NAALADL2: variants seen among roughly 807,000 people sequenced by gnomAD.
NAALADL2 encodes the protein N-acetylated alpha-linked acidic dipeptidase like 2.
In NAALADL2, 76 loss-of-function variants were observed where a neutral mutation model predicts 87.2. That is an observed-to-expected ratio of 0.87 (90% confidence interval 0.72 to 1.05). NAALADL2 has a LOEUF of 1.05. Ranked by LOEUF, NAALADL2 falls within the 50% of genes least tolerant of loss-of-function variation. The pLI, the probability that NAALADL2 is intolerant of heterozygous loss-of-function variation, is 0.00. For missense variants in NAALADL2, 1,089 were observed against 945.8 expected, an observed-to-expected ratio of 1.15 and a Z score of -1.99; for synonymous variants, 354 against 331.0, an observed-to-expected ratio of 1.07 and a Z score of -0.75.
At chr3:175,502,372 A>T (rs914646350) in intron 9 of NAALADL2, among the ~76,000 whole-genome samples, 1 of 152,122 alleles carries the variant, frequency 6.6e-6, no homozygotes, top group African/African-American at 2.4e-5. Flanking sequence ...AAGGCTGAAA[A>T]GAACAAAAAG....
intron 4 of NAALADL2, among the ~76,000 whole-genome samples, chr3:175,273,733 CGT>C (rs35081448): frequency 9.4e-5 from 14 of 148,796 alleles, no homozygotes; most frequent in South Asian, 2.1e-4. Context: ...TGTGTGTGTG[CGT>C]GTGTGTGTGT....
chr3:175,062,515 TG>T (rs1713726414), intron 1 of NAALADL2, among the ~76,000 whole-genome samples: 1 of 151,548 alleles, frequency 6.6e-6, no homozygotes, highest in Non-Finnish European at 1.5e-5. Context: ...TGTGTGTGTG[TG>T]TGTGTGTGTT....
rs113806607 is a variant in NAALADL2 at position 175,343,655 on chromosome 3, G to GTTTTTTTTTTTTT, written c.1090+19339_1090+19351dup. Among the ~76,000 whole-genome samples, 103 of 64,704 alleles carry GTTTTTTTTTTTTT rather than the reference G, an allele frequency of 1.6e-3. 19 individuals carry two copies. Among genetic ancestry groups the GTTTTTTTTTTTTT allele is most frequent in the East Asian group, 0.015 (24 of 1,562 alleles). 42.4% of individuals were successfully genotyped at this position (64,704 alleles called of 152,430 possible). Reference sequence around the variant, plus strand: ...TGGAGTTCCTGTGTGTCTTGATCATGTTTTTTTTTTTTTTTTTTTTTCCCT... The same window carrying GTTTTTTTTTTTTT: ...TGGAGTTCCTGTGTGTCTTGATCATGTTTTTTTTTTTTTTTTTTTTTTTTTTTTTTTTTTCCCT... On this transcript the variant is annotated intron_variant, in intron 5 of 13. Coordinates refer to ENST00000454872, the MANE Select transcript of NAALADL2 (RefSeq NM_207015.3).
Position 175,013,456 on chromosome 3 carries a change from G to C in NAALADL2, c.44-83334G>C, listed in dbSNP as rs573441266. 1.5e-4 allele frequency among the ~76,000 whole-genome samples: 23 copies of C among 149,028 alleles called. No individual in the cohort carries two copies. The East Asian group carries it at 4.6e-3, about 30-fold the overall frequency. ...TGGGATTACAGGCATGCACCACCAC[G>C]CCCAGCTAATTTTTATAGTTTTAGT... On this transcript the variant is annotated intron_variant, in intron 1 of 13. Coordinates refer to ENST00000454872, the MANE Select transcript of NAALADL2 (RefSeq NM_207015.3).
At chr3:174,451,812 GTTAA>G (rs1715498139) in intron 1 of NAALADL2, among the ~76,000 whole-genome samples, 1 of 118,996 alleles carries the variant, frequency 8.4e-6, no homozygotes, top group Non-Finnish European at 1.8e-5. Context: ...ATAAAACATT[GTTAA>G]TTAATGTAGT....
At chr3:175,027,412 G>GA (rs1268590975) in intron 1 of NAALADL2, among the ~76,000 whole-genome samples, 3 of 151,608 alleles carry the variant, frequency 2.0e-5, no homozygotes, top group African/African-American at 4.8e-5. Flanking sequence ...TAACATTATA[G>GA]AAAAAAACAA....
At chr3:175,597,672 T>C (rs1365438684) in intron 10 of NAALADL2, among the ~76,000 whole-genome samples, 2 of 151,968 alleles carry the variant, frequency 1.3e-5, no homozygotes, top group Non-Finnish European at 2.9e-5. Flanking sequence ...TAACATCACT[T>C]GCCTCTGCCT....
chr3:175,304,830 TA>T (rs1223537511), intron 4 of NAALADL2, among the ~76,000 whole-genome samples: 3 of 152,232 alleles, frequency 2.0e-5, no homozygotes, highest in Admixed American at 2.0e-4. Flanking sequence ...TTTGAAATTT[TA>T]TGCTTTTCTC....
intron 10 of NAALADL2, among the ~76,000 whole-genome samples, chr3:175,621,230 A>G (rs1726194275): frequency 6.6e-6 from 1 of 152,140 alleles, no homozygotes; most frequent in Admixed American, 6.5e-5. Flanking sequence ...CTCCTGCGCT[A>G]TCATACACAT....
In NAALADL2 at chr3:175,763,369, A is replaced by G. The variant is rs148855948; in HGVS notation, c.2189+7951A>G. On this transcript the variant is annotated intron_variant, in intron 13 of 13. Transcript: ENST00000454872. ...CTTTTAAAAAAATGCTTCTTCCTAG[A>G]TTCTTTTAGCAAATTTCAGCAAGAT... 3.3e-5 allele frequency among the ~76,000 whole-genome samples: 5 copies of G among 152,254 alleles called. No homozygotes were observed. The East Asian group carries it at 9.7e-4, about 29-fold the overall frequency.
intron 9 of NAALADL2, among the ~76,000 whole-genome samples, chr3:175,505,483 T>C (rs2149380390): frequency 6.6e-6 from 1 of 152,146 alleles, no homozygotes; most frequent in South Asian, 2.1e-4. Context: ...TAGCAAAAGA[T>C]AAAAAGAATA....
chr3:174,793,853 C>T lies in NAALADL2; in HGVS notation c.-9+56107C>T, dbSNP rs560500329. ...ATCTCATCACATAAGACACTAACTG[C>T]ATGCTTTTATATCTGTTTAAAAGTG... On this transcript the variant is annotated intron_variant, in intron 3 of 3. Coordinates refer to the NAALADL2 transcript ENST00000434257. 6.6e-5 allele frequency among the ~76,000 whole-genome samples: 10 copies of T among 151,586 alleles called. No individual in the cohort carries two copies. In the South Asian group the frequency reaches 1.3e-3, roughly 19 times the overall value.
intron 2 of NAALADL2, among the ~76,000 whole-genome samples, chr3:175,146,081 T>A (rs543233261): frequency 6.6e-6 from 1 of 152,254 alleles, no homozygotes; most frequent in South Asian, 2.1e-4. Flanking sequence ...ATAAGTAAGA[T>A]TCGTGATTCT....
chr3:174,620,603 C>G (rs1262451418), intron 2 of NAALADL2, among the ~76,000 whole-genome samples: 1 of 151,934 alleles, frequency 6.6e-6, no homozygotes, highest in Non-Finnish European at 1.5e-5. Context: ...ATTTAGGACT[C>G]TCTGGCCCAA....
chr3:174,756,069 A>C (rs1355433919), intron 3 of NAALADL2, among the ~76,000 whole-genome samples: 2 of 152,248 alleles, frequency 1.3e-5, no homozygotes, highest in Non-Finnish European at 2.9e-5. Flanking sequence ...GGGAGACTGA[A>C]GTAGCCATGC....
intron 3 of NAALADL2, among the ~76,000 whole-genome samples, chr3:174,765,129 C>CAT (rs1713614257): frequency 8.3e-6 from 1 of 120,554 alleles, no homozygotes; most frequent in Non-Finnish European, 1.9e-5. Flanking sequence ...CACATACACA[C>CAT]ACACACACAC....
chr3:174,529,472 GC>G, intron 1 of NAALADL2, among the ~76,000 whole-genome samples: 1 of 152,312 alleles, frequency 6.6e-6, no homozygotes, highest in Middle Eastern at 3.4e-3. Context: ...GAGGATGGTG[GC>G]CCTCTTCTCA....
intron 2 of NAALADL2, among the ~76,000 whole-genome samples, chr3:174,703,802 C>T (rs1466099434): frequency 6.6e-6 from 1 of 152,136 alleles, no homozygotes; most frequent in East Asian, 1.9e-4. Flanking sequence ...CATCTTTATA[C>T]TCTACTCTGC....
At chr3:174,466,130 A>G (rs1006608330) in intron 1 of NAALADL2, among the ~76,000 whole-genome samples, 1 of 152,200 alleles carries the variant, frequency 6.6e-6, no homozygotes, top group African/African-American at 2.4e-5. Context: ...AGTAATTTCC[A>G]TTTCAGCACA....
Sources: allele counts gnomAD v4.1 joint callset (sites outside exome capture counted in the v4.1 genomes callset), GRCh38; gene constraint gnomAD v4.1.1; transcripts MANE v1.5; gene names NCBI Gene and HGNC (gene_info 2026-07-23, HGNC 2026-07-21).